AIFM2: variants seen among roughly 807,000 people sequenced by gnomAD.
The protein encoded by AIFM2 is ferroptosis suppressor protein 1.
In AIFM2, 38 loss-of-function variants were observed where a neutral mutation model predicts 35.7. The observed-to-expected ratio is 1.06, with a 90% CI of 0.82 to 1.39. AIFM2 has a LOEUF of 1.39. Among genes scored for constraint, AIFM2 ranks in the 40% most tolerant of loss-of-function variants. AIFM2 has a pLI of 0.00. For missense variants in AIFM2, 476 were observed against 491.2 expected (o/e 0.97, Z 0.29); for synonymous variants, 185 against 203.5 (o/e 0.91, Z 0.77).
At chr10:70,130,097 C>T (rs778263436) in intron 1 of AIFM2, among the ~76,000 whole-genome samples, 49 of 152,160 alleles carry the variant, frequency 3.2e-4, no homozygotes, top group Non-Finnish European at 6.5e-4. Context: ...GTGGGAGGAT[C>T]GCTTGAGCCT....
At chr10:70,123,757 A>G in intron 2 of AIFM2, 150 bp downstream of exon 2, 1 of 947,298 alleles carries the variant, frequency 1.1e-6, no homozygotes. Flanking sequence ...ACTTAAGACC[A>G]AAGACCTTGA....
intron 8 of AIFM2, 166 bp downstream of exon 8, chr10:70,114,754 G>GT (rs1373872100): frequency 1.1e-6 from 1 of 876,206 alleles, no homozygotes; most frequent in East Asian, 2.7e-5. Context: ...GGTTACAGGT[G>GT]TGAGCCACCG....
At chr10:70,123,655 C>G in intron 2 of AIFM2, 135 bp from the exon 3 acceptor site, 1 of 835,912 alleles carries the variant, frequency 1.2e-6, no homozygotes, top group Non-Finnish European at 1.9e-6. Flanking sequence ...TTAGGTATGC[C>G]TGGGGTACCC....
intron 5 of AIFM2, among the ~76,000 whole-genome samples, chr10:70,119,636 A>C (rs1452526628): frequency 1.3e-5 from 2 of 152,182 alleles, no homozygotes; most frequent in Non-Finnish European, 2.9e-5. Context: ...CACTCATCAT[A>C]ATTTCCAACA....
intron 5 of AIFM2, among the ~76,000 whole-genome samples, chr10:70,119,581 A>G (rs1022479557): frequency 6.6e-6 from 1 of 152,218 alleles, no homozygotes; most frequent in African/African-American, 2.4e-5. Flanking sequence ...GTTTTTCCCT[A>G]TAGAACCCTC....
intron 1 of AIFM2, among the ~76,000 whole-genome samples, chr10:70,124,690 T>G (rs2072546659): frequency 6.6e-6 from 1 of 152,002 alleles, no homozygotes; most frequent in East Asian, 1.9e-4. Context: ...AAAGGTGCAA[T>G]AACAAGAAAC....
At chr10:70,120,646 A>C (rs371162523) in intron 4 of AIFM2, 47 bp from the exon 5 acceptor site, 1 of 1,591,660 alleles carries the variant, frequency 6.3e-7, no homozygotes, top group Non-Finnish European at 8.6e-7. Context: ...ACACACCTAC[A>C]CATCCACCTC....
At chr10:70,114,479 T>C in intron 8 of AIFM2, 150 bp from the exon 9 acceptor site, 3 of 1,036,552 alleles carry the variant, frequency 2.9e-6, no homozygotes, top group African/African-American at 1.6e-5. Context: ...GATTTTTTTT[T>C]GTTTGTTTTT....
chr10:70,121,733 AAAAT>A (rs2072509277), intron 3 of AIFM2, among the ~76,000 whole-genome samples: 1 of 150,964 alleles, frequency 6.6e-6, no homozygotes, highest in Non-Finnish European at 1.5e-5. Context: ...AATAAATAAT[AAAAT>A]AATTTAATTT....
chr10:70,121,222 CCAAAA>C lies in AIFM2; in HGVS notation c.295-16_295-12del. ...AGAGAAGGGCAGGGCCTGAGAGAAA[CCAAAA>C]AAAAAAAAAAAAAAAAAAAAAAAAA... On this transcript the variant is annotated splice_polypyrimidine_tract_variant and intron_variant, in intron 3 of 8. Coordinates refer to ENST00000307864, the MANE Select transcript of AIFM2 (RefSeq NM_032797.6). The C allele has an allele frequency of 1.1e-5, 2 of 177,126 alleles. No homozygotes were observed. Among genetic ancestry groups the C allele is most frequent in the South Asian group, 1.9e-4 (1 of 5,214 alleles). The allele number at this position is 177,126 out of a possible 1,614,324, so 11.0% of individuals were successfully genotyped here.
Position 70,114,909 on chromosome 10 carries a change from G to A in AIFM2, c.970+11C>T. On this transcript the variant is annotated intron_variant, in intron 8 of 8. Transcript: ENST00000307864. Reference sequence around the variant, plus strand: ...CTATTAAAACTGCAAAGCACATGGGGCCTCTCTTACCCGGCTTGTAGGCCT... The same window carrying A: ...CTATTAAAACTGCAAAGCACATGGGACCTCTCTTACCCGGCTTGTAGGCCT... 1 of 1,613,456 alleles carries A rather than the reference G, an allele frequency of 6.2e-7. No individual in the cohort carries two copies. The highest frequency in any genetic ancestry group is 8.5e-7 in the Non-Finnish European group (1 of 1,179,692).
Position 70,117,800 on chromosome 10 carries a change from G to A in AIFM2, c.616+12C>T. On this transcript the variant is annotated intron_variant, in intron 6 of 8. Transcript: ENST00000307864. The surrounding 1 kb of genome is among the most constrained non-coding windows in gnomAD (Gnocchi z 4.7). Reference sequence around the variant, plus strand: ...CAGGGCAGGGCAGGGAGGGAGGTGAGGGTGCACGTACTCAGCAGCAGCTGC... The same window carrying A: ...CAGGGCAGGGCAGGGAGGGAGGTGAAGGTGCACGTACTCAGCAGCAGCTGC... The A allele has an allele frequency of 6.3e-7, 1 of 1,594,278 alleles. No homozygotes were observed. The highest frequency in any genetic ancestry group is 8.5e-7 in the Non-Finnish European group (1 of 1,170,184).
At position 70,123,924 on chromosome 10, in the gene AIFM2, C is replaced by G. The variant is rs771383095; in HGVS notation, c.161G>C (p.Arg54Pro). The G allele has an allele frequency of 6.9e-6, 11 of 1,592,282 alleles. No homozygotes were observed. In the Admixed American group the frequency reaches 8.5e-5, roughly 12 times the overall value. Residue 54 changes from arginine (R) to proline (P), a missense_variant, in exon 2 of 9, where the codon CGA becomes CCA. By Grantham distance (103) the Arg-to-Pro change is moderately radical. Transcript: ENST00000307864. ...CACATTACCTGTCTCCACGGAGGCT[C>G]GGAGAGCAGCCACATTGTGGTGGAA... ...DSFHHNVAAL[R>P]ASVETGFAKK...
chr10:70,131,685 G>A lies in AIFM2; in HGVS notation c.-14+1049C>T, dbSNP rs1472556105. Reference sequence around the variant, plus strand: ...ACCAGACAAAAGTCAGGCTGGCCCTGGAGTCCACCGGCCTGCCCAGCCCAT... The same window carrying A: ...ACCAGACAAAAGTCAGGCTGGCCCTAGAGTCCACCGGCCTGCCCAGCCCAT... On this transcript the variant is annotated intron_variant, in intron 1 of 8. Transcript: ENST00000307864. The surrounding 1 kb of genome is among the most constrained non-coding windows in gnomAD (Gnocchi z 4.1). Among the ~76,000 whole-genome samples the A allele has an allele frequency of 3.9e-5, 6 of 152,178 alleles. No individual in the cohort carries two copies. The highest frequency in any genetic ancestry group is 3.9e-4 in the Admixed American group (6 of 15,288).
chr10:70,127,131 G>A (rs908128992), intron 1 of AIFM2, among the ~76,000 whole-genome samples: 3 of 152,228 alleles, frequency 2.0e-5, no homozygotes, highest in Non-Finnish European at 2.9e-5. Flanking sequence ...AGGCAGTGAT[G>A]AGGCAGGCCG....
rs1196426592 is a variant in AIFM2 at position 70,121,136 on chromosome 10, T to C, written c.370A>G (p.Ser124Gly). 46 of 1,597,530 alleles carry C rather than the reference T, an allele frequency of 2.9e-5. No individual in the cohort carries two copies. The highest frequency in any genetic ancestry group is 3.9e-5 in the Non-Finnish European group (46 of 1,175,404). Reference protein sequence around the residue: ...PFPGKFNEVSSQQAAIQAYED... With the variant: ...PFPGKFNEVSGQQAAIQAYED... ...TAGGCCTGGATAGCGGCCTGCTGGC[T>C]GGAAACCTCATTAAACTTGCCCGGG... The change falls in exon 4 of 9, where the codon AGC becomes GGC. Residue 124 changes from serine (S) to glycine (G), a missense_variant. Transcript: ENST00000307864.
Position 70,114,267 on chromosome 10 carries a change from A to G in AIFM2, c.1033T>C (p.Tyr345His). 2 of 1,613,964 alleles carry G rather than the reference A, an allele frequency of 1.2e-6. No individual in the cohort carries two copies. Among genetic ancestry groups the G allele is most frequent in the Non-Finnish European group, 1.7e-6 (2 of 1,180,006 alleles). Residue 345 changes from tyrosine (Y) to histidine (H), a missense_variant, in exon 9 of 9, where the codon TAT becomes CAT. Tyr to His is a moderately conservative substitution (Grantham distance 83). Transcript: ENST00000307864. Reference sequence around the variant, plus strand: ...AGCCGAACCATGAGCCGGCCCACATAGAAGCCACTGATTTGGCCCACACCG... The same window carrying G: ...AGCCGAACCATGAGCCGGCCCACATGGAAGCCACTGATTTGGCCCACACCG... Reference protein sequence around the residue: ...NDGVGQISGFYVGRLMVRLTK... With the variant: ...NDGVGQISGFHVGRLMVRLTK...
At chr10:70,125,553 G>A (rs2136664467) in intron 1 of AIFM2, among the ~76,000 whole-genome samples, 1 of 150,642 alleles carries the variant, frequency 6.6e-6, no homozygotes, top group South Asian at 2.2e-4. Context: ...GGGAGGTCAA[G>A]GCTGCAGTGA....
chr10:70,127,050 ACCCAGGAGGG>A (rs2072574737), intron 1 of AIFM2, among the ~76,000 whole-genome samples: 2 of 152,310 alleles, frequency 1.3e-5, no homozygotes, highest in South Asian at 4.1e-4. Context: ...AGGGACCAGG[ACCCAGGAGGG>A]CCCACAGGCC....
Sources: gnomAD v4.1 joint callset for allele counts (sites outside exome capture counted in the v4.1 genomes callset) on GRCh38, gnomAD v4.1.1 for gene constraint, Gnocchi (gnomAD v3.1) non-coding constraint, MANE v1.5 for transcripts, NCBI Gene and HGNC (gene_info 2026-07-23, HGNC 2026-07-21) for gene names.